Variants in SLC25A21 observed in about 807,000 individuals in gnomAD.
SLC25A21 encodes mitochondrial 2-oxodicarboxylate carrier.
Under a neutral mutation model 43.8 loss-of-function variants are expected in SLC25A21, and 47 were observed. The ratio of observed to expected loss-of-function variants is 1.07; its 90% CI spans 0.85 to 1.37. The LOEUF (loss-of-function observed/expected upper bound fraction) is 1.37, where lower values mean the gene tolerates loss of function less well. SLC25A21 is among the 40% of genes most tolerant of loss of function. SLC25A21 has a pLI of 0.00. For synonymous variants in SLC25A21, 131 were observed against 121.3 expected, an observed-to-expected ratio of 1.08 and a Z score of -0.52; for missense variants, 352 against 350.2, an observed-to-expected ratio of 1.00 and a Z score of -0.04.
intron 3 of SLC25A21, among the ~76,000 whole-genome samples, chr14:36,778,757 T>C (rs970818074): frequency 6.6e-6 from 1 of 152,224 alleles, no homozygotes; most frequent in Non-Finnish European, 1.5e-5. Context: ...CAGGTATATA[T>C]TGTGAAATAA....
chr14:37,135,749 G>A (rs1379825868), intron 1 of SLC25A21, among the ~76,000 whole-genome samples: 1 of 152,056 alleles, frequency 6.6e-6, no homozygotes, highest in Non-Finnish European at 1.5e-5. Flanking sequence ...ACAATCTTTC[G>A]TGAGAGCTCT....
At chr14:37,009,701 T>A (rs1242915730) in intron 1 of SLC25A21, among the ~76,000 whole-genome samples, 1 of 152,132 alleles carries the variant, frequency 6.6e-6, no homozygotes, top group African/African-American at 2.4e-5. Context: ...CTTTTTCCAA[T>A]AAAAGCAAAA....
chr14:36,886,118 C>T (rs1260141624), intron 1 of SLC25A21, among the ~76,000 whole-genome samples: 1 of 152,188 alleles, frequency 6.6e-6, no homozygotes, highest in African/African-American at 2.4e-5. Context: ...ATATTTTCAT[C>T]TGCTCTAGTA....
chr14:37,073,423 C>T (rs1962214476), intron 1 of SLC25A21, among the ~76,000 whole-genome samples: 1 of 152,074 alleles, frequency 6.6e-6, no homozygotes, highest in Non-Finnish European at 1.5e-5. Flanking sequence ...GCCTTGTTGT[C>T]CAGGCTGCTC....
intron 1 of SLC25A21, among the ~76,000 whole-genome samples, chr14:36,979,323 G>GGTTTTT (rs1555340035): frequency 8.1e-6 from 1 of 123,756 alleles, no homozygotes; most frequent in African/African-American, 6.2e-5. Context: ...TTAAGGTAGT[G>GGTTTTT]TTTTTTTGGT....
At chr14:36,752,116 A>G (rs1387741796) in intron 3 of SLC25A21, among the ~76,000 whole-genome samples, 1 of 152,218 alleles carries the variant, frequency 6.6e-6, no homozygotes, top group African/African-American at 2.4e-5. Context: ...CAGAAAACAC[A>G]TGAATGAAAT....
At chr14:36,823,792 C>T (rs1182937306) in intron 2 of SLC25A21, among the ~76,000 whole-genome samples, 4 of 152,182 alleles carry the variant, frequency 2.6e-5, no homozygotes, top group African/African-American at 9.6e-5. Context: ...CTCCGATCCT[C>T]CCAAGCAACC....
At chr14:36,986,600 G>T (rs889761443) in intron 1 of SLC25A21, among the ~76,000 whole-genome samples, 1 of 152,138 alleles carries the variant, frequency 6.6e-6, no homozygotes, top group Non-Finnish European at 1.5e-5. Flanking sequence ...GAGGATCTTA[G>T]TTAATCCAGG....
intron 1 of SLC25A21, among the ~76,000 whole-genome samples, chr14:36,989,796 G>C (rs1960224723): frequency 1.3e-5 from 2 of 151,810 alleles, no homozygotes; most frequent in African/African-American, 4.8e-5. Flanking sequence ...CCTTCCCTCA[G>C]TATTTTTCTT....
chr14:37,021,676 T>A (rs192480963), intron 1 of SLC25A21, among the ~76,000 whole-genome samples: 45 of 152,034 alleles, frequency 3.0e-4, no homozygotes, highest in Admixed American at 2.5e-3. Context: ...ACTTGTAAAC[T>A]GGTCTGAAAG....
chr14:36,803,871 A>C (rs1260136368), intron 3 of SLC25A21, among the ~76,000 whole-genome samples: 1 of 152,156 alleles, frequency 6.6e-6, no homozygotes. Context: ...ACTAAATTCA[A>C]CTTCAGTTAG....
intron 1 of SLC25A21, among the ~76,000 whole-genome samples, chr14:37,033,999 G>T (rs1301060019): frequency 6.6e-6 from 1 of 150,510 alleles, no homozygotes; most frequent in African/African-American, 2.4e-5. Flanking sequence ...TGATATTCTG[G>T]GATTCTGGGG....
At chr14:37,171,518 A>T (rs1440035628) in intron 1 of SLC25A21, among the ~76,000 whole-genome samples, 1 of 152,170 alleles carries the variant, frequency 6.6e-6, no homozygotes, top group Non-Finnish European at 1.5e-5. Context: ...ATATATTTAT[A>T]ATAAAAATGC....
At chr14:36,879,846 C>T (rs556710802) in intron 1 of SLC25A21, among the ~76,000 whole-genome samples, 1 of 151,922 alleles carries the variant, frequency 6.6e-6, no homozygotes, top group Non-Finnish European at 1.5e-5. Context: ...AACATTGTCA[C>T]ACAATGATTA....
chr14:36,816,180 A>G (rs1254901721), intron 2 of SLC25A21, among the ~76,000 whole-genome samples: 1 of 152,106 alleles, frequency 6.6e-6, no homozygotes, highest in East Asian at 1.9e-4. Context: ...AAGTTGCTAG[A>G]TGTGTTTGTG....
chr14:36,807,696 GAAT>G (rs1888093313), intron 3 of SLC25A21, among the ~76,000 whole-genome samples: 1 of 152,142 alleles, frequency 6.6e-6, no homozygotes. Flanking sequence ...CTAAGACACT[GAAT>G]TGAGCCAAAC....
At chr14:36,696,827 A>G (rs1293207657) in intron 7 of SLC25A21, among the ~76,000 whole-genome samples, 1 of 151,910 alleles carries the variant, frequency 6.6e-6, no homozygotes, top group Non-Finnish European at 1.5e-5. Flanking sequence ...TGCTAGCCGT[A>G]CATCTATTTT....
At chr14:36,903,614 GAAAAAAA>G (rs71124784) in intron 1 of SLC25A21, among the ~76,000 whole-genome samples, 116 of 50,466 alleles carry the variant, frequency 2.3e-3, no homozygotes, top group African/African-American at 0.01. Flanking sequence ...CTCCGTCTCA[GAAAAAAA>G]AAAAAAAAAA....
intron 3 of SLC25A21, among the ~76,000 whole-genome samples, chr14:36,796,190 T>G (rs2138410881): frequency 6.6e-6 from 1 of 152,244 alleles, no homozygotes; most frequent in Admixed American, 6.5e-5. Context: ...AATTGACAAT[T>G]TACTGGCAAT....
Sources: gnomAD v4.1 joint callset for allele counts (sites outside exome capture counted in the v4.1 genomes callset) on GRCh38, gnomAD v4.1.1 for gene constraint, MANE v1.5 for transcripts, NCBI Gene and HGNC (gene_info 2026-07-23, HGNC 2026-07-21) for gene names.